The following NCEH1 variants were observed in gnomAD, a reference collection of about 807,000 sequenced individuals.
The protein encoded by NCEH1 is 2-acetyl MAGE hydrolase.
NCEH1 carries 9 observed loss-of-function variants against 25.4 expected under a neutral mutation model. That is an observed-to-expected ratio of 0.35 (90% CI 0.21 to 0.62). The LOEUF is 0.62. Ranked by LOEUF, NCEH1 falls within the 20% of genes least tolerant of loss-of-function variation. The probability of loss-of-function intolerance (pLI) is 0.72; values close to 1 mark genes in which losing one functional copy is unlikely to be tolerated. For missense variants in NCEH1, 412 were observed against 501.1 expected, an observed-to-expected ratio of 0.82 and a Z score of 1.70; for synonymous variants, 200 against 199.8, an observed-to-expected ratio of 1.00 and a Z score of -0.01.
intron 3 of NCEH1, among the ~76,000 whole-genome samples, chr3:172,644,529 T>A (rs1484698694): frequency 6.6e-6 from 1 of 152,168 alleles, no homozygotes; most frequent in African/African-American, 2.4e-5. Flanking sequence ...ATCAAAAAGG[T>A]CCAGAGACCT....
rs762498765 is a variant in NCEH1, at chr3:172,711,032, A to T, written c.-48T>A. 1.2e-5 allele frequency: 19 copies of T among 1,613,074 alleles called. No individual in the cohort carries two copies. In the South Asian group the frequency reaches 1.6e-4, roughly 14 times the overall value. ...GCGGGCTGGCAAAGAGGAAAGGGCG[A>T]TACCACCCGGAGACCTCCGGCAACT... On this transcript the variant is annotated 5_prime_UTR_variant, in exon 1 of 5. Coordinates refer to ENST00000475381, the MANE Select transcript of NCEH1 (RefSeq NM_020792.6).
At chr3:172,675,327 A>AAATAAATAAATTAATTAATTAATT (rs1553835602) in intron 1 of NCEH1, among the ~76,000 whole-genome samples, 5 of 148,848 alleles carry the variant, frequency 3.4e-5, no homozygotes, top group African/African-American at 1.3e-4. Flanking sequence ...ATAAATAAAT[A>AAATAAATAAATTAATTAATTAATT]AATAAATAAA....
intron 1 of NCEH1, among the ~76,000 whole-genome samples, chr3:172,677,937 A>G (rs1712114710): frequency 6.6e-6 from 1 of 152,238 alleles, no homozygotes; most frequent in African/African-American, 2.4e-5. Context: ...CAAAAAATAA[A>G]AATAAAAAGC....
intron 1 of NCEH1, among the ~76,000 whole-genome samples, chr3:172,659,635 G>GC (rs1717874465): frequency 6.6e-6 from 1 of 152,148 alleles, no homozygotes; most frequent in South Asian, 2.1e-4. Flanking sequence ...GCCAGACCTG[G>GC]CACATAAGTA....
At chr3:172,707,742 C>T (rs1397744258) in intron 1 of NCEH1, among the ~76,000 whole-genome samples, 2 of 152,110 alleles carry the variant, frequency 1.3e-5, no homozygotes, top group African/African-American at 4.8e-5. Context: ...CCTGCCACCA[C>T]GCCCAGCTAA....
intron 1 of NCEH1, among the ~76,000 whole-genome samples, chr3:172,704,693 G>A (rs574172205): frequency 7.8e-4 from 118 of 152,228 alleles, no homozygotes; most frequent in Non-Finnish European, 1.4e-3. Context: ...AGGCAATATA[G>A]TCAGGTTTTT....
chr3:172,646,806 C>T (rs1717139150), intron 2 of NCEH1, among the ~76,000 whole-genome samples: 1 of 152,182 alleles, frequency 6.6e-6, no homozygotes, highest in South Asian at 2.1e-4. Flanking sequence ...CAATGTTTTT[C>T]CTGGCAAGCG....
In NCEH1 at chr3:172,647,644, T is replaced by A. The variant is rs954105205; in HGVS notation, c.367+242A>T. ...AGTCTACCTGAATTGACAAACAAACTAACAAGCAAAAAACCTTTACAAAGG... is the reference window on the plus strand; with the variant it reads ...AGTCTACCTGAATTGACAAACAAACAAACAAGCAAAAAACCTTTACAAAGG... On this transcript the variant is annotated intron_variant, in intron 2 of 4. Coordinates refer to ENST00000475381, the MANE Select transcript of NCEH1 (RefSeq NM_020792.6). Among the ~76,000 whole-genome samples the A allele has an allele frequency of 1.4e-4, 21 of 152,104 alleles. 1 individual carries two copies. Among genetic ancestry groups the A allele is most frequent in the Admixed American group, 2.6e-4 (4 of 15,270 alleles).
intron 1 of NCEH1, among the ~76,000 whole-genome samples, chr3:172,661,714 AT>A (rs139595689): frequency 0.14 from 20,918 of 151,870 alleles, 1,605 homozygotes; most frequent in East Asian, 0.2. Context: ...ATTCCTAGGT[AT>A]TTTATTCTCT....
rs190060894 is a variant in NCEH1 at position 172,650,762 on chromosome 3, A to G, written c.139-2648T>C. Among the ~76,000 whole-genome samples the G allele has an allele frequency of 2.1e-5, 3 of 142,016 alleles. No homozygotes were observed. The East Asian group carries it at 7.0e-4, about 33-fold the overall frequency. The allele number at this position is 142,016 out of a possible 152,430, so 93.2% of individuals were successfully genotyped here. ...GGGAGGCAGATGTTGCAGTCAGCCG[A>G]GACTGTGCCACTGCAATCCAGCCTG... On this transcript the variant is annotated intron_variant, in intron 1 of 4. Transcript: ENST00000475381.
intron 1 of NCEH1, among the ~76,000 whole-genome samples, chr3:172,683,265 T>TAGTGGCGGGCGC (rs1455000727): frequency 1.7e-5 from 2 of 117,724 alleles, no homozygotes; most frequent in African/African-American, 6.9e-5. Flanking sequence ...TAGCCAGGCG[T>TAGTGGCGGGCGC]AGTGGCGGGC....
Position 172,689,919 on chromosome 3 carries a change from T to C in NCEH1, c.138+20928A>G, listed in dbSNP as rs564873513. On this transcript the variant is annotated intron_variant, in intron 1 of 4. Coordinates refer to ENST00000475381, the MANE Select transcript of NCEH1 (RefSeq NM_020792.6). ...TTATTTTATTTATTTATTTTTTTTT[T>C]TTGAGACGGAGTCTCACTCTGTCGC... Among the ~76,000 whole-genome samples, 91 of 150,844 alleles carry C rather than the reference T, an allele frequency of 6.0e-4. 1 individual carries two copies. The highest frequency in any genetic ancestry group is 4.5e-3 in the Admixed American group (69 of 15,212).
At chr3:172,691,902 G>A (rs536125169) in intron 1 of NCEH1, among the ~76,000 whole-genome samples, 6 of 7,668 alleles carry the variant, frequency 7.8e-4, no homozygotes, top group South Asian at 6.5e-3. Context: ...AGCCGAGATC[G>A]TGCCACTGCA....
intron 1 of NCEH1, among the ~76,000 whole-genome samples, chr3:172,682,302 C>A (rs749547816): frequency 6.6e-6 from 1 of 152,164 alleles, no homozygotes; most frequent in Non-Finnish European, 1.5e-5. Context: ...CTAAGACTTC[C>A]AGTTTATCTA....
At chr3:172,700,344 T>C (rs1259640285) in intron 1 of NCEH1, among the ~76,000 whole-genome samples, 1 of 152,052 alleles carries the variant, frequency 6.6e-6, no homozygotes, top group Non-Finnish European at 1.5e-5. Context: ...GAAGCACTGA[T>C]ATAGATTAAT....
intron 1 of NCEH1, among the ~76,000 whole-genome samples, chr3:172,656,858 A>G (rs560071380): frequency 6.6e-6 from 1 of 152,258 alleles, no homozygotes; most frequent in East Asian, 1.9e-4. Flanking sequence ...GAAACTATCC[A>G]TTAGGCTCAC....
chr3:172,695,264 T>C (rs662271), intron 1 of NCEH1, among the ~76,000 whole-genome samples: 91,304 of 152,082 alleles, frequency 0.6, 29,308 homozygotes, highest in African/African-American at 0.83. Context: ...CAAGGTCACC[T>C]GCCATTAGGA....
intron 1 of NCEH1, among the ~76,000 whole-genome samples, chr3:172,656,400 A>G (rs1434314978): frequency 6.6e-6 from 1 of 152,216 alleles, no homozygotes; most frequent in African/African-American, 2.4e-5. Flanking sequence ...GCAAGGAGGC[A>G]AAGTGAGAAG....
chr3:172,653,735 GTTT>G (rs1553830302), intron 1 of NCEH1, among the ~76,000 whole-genome samples: 742 of 70,984 alleles, frequency 0.01, 33 homozygotes, highest in African/African-American at 0.032. Context: ...TTGTTGTTCT[GTTT>G]TTTTTGTTTT....
Sources: gnomAD v4.1 joint callset for allele counts (sites outside exome capture counted in the v4.1 genomes callset) on GRCh38, gnomAD v4.1.1 for gene constraint, MANE v1.5 for transcripts, NCBI Gene and HGNC (gene_info 2026-07-23, HGNC 2026-07-21) for gene names.